Variants in STK10 observed in about 807,000 individuals in gnomAD.
The protein encoded by STK10 is serine/threonine-protein kinase 10.
A neutral mutation model predicts 113.8 loss-of-function variants in STK10; 78 were observed. That is an observed-to-expected ratio of 0.69 (90% CI 0.57 to 0.83). STK10 has a LOEUF of 0.83. STK10 is among the 40% of genes least tolerant of loss of function. The pLI is 0.00. For missense variants in STK10, 1,109 were observed against 1,280.1 expected (o/e 0.87, Z 2.04); for synonymous variants, 465 against 494.7 (o/e 0.94, Z 0.80).
At chr5:172,096,013 G>A (rs112189788) in intron 8 of STK10, among the ~76,000 whole-genome samples, 1 of 152,166 alleles carries the variant, frequency 6.6e-6, no homozygotes, top group Non-Finnish European at 1.5e-5. Context: ...TGGCACTGAG[G>A]GCAGCTAGAG....
chr5:172,152,681 G>A (rs1489377063), intron 2 of STK10, among the ~76,000 whole-genome samples: 1 of 152,166 alleles, frequency 6.6e-6, no homozygotes, highest in Non-Finnish European at 1.5e-5. Flanking sequence ...ACTGGGAAAC[G>A]TTTAAGAATG....
In STK10 at chr5:172,105,683, G is replaced by A; in HGVS notation, c.843C>T (p.Thr281=). The A allele has an allele frequency of 6.2e-7, 1 of 1,613,828 alleles. No individual in the cohort carries two copies. The highest frequency in any genetic ancestry group is 8.5e-7 in the Non-Finnish European group (1 of 1,180,014). ...CCAGCAGCTGCGCGGCACTGGGTCGGGTTTCTGGGTTCTTATCCAGGGCTA... is the reference window on the plus strand; with the variant it reads ...CCAGCAGCTGCGCGGCACTGGGTCGAGTTTCTGGGTTCTTATCCAGGGCTA... The part of the protein sequence containing the change: ...LKIALDKNPE[T]RPSAAQLLEH... Residue 281 remains threonine, a synonymous_variant, in exon 7 of 19, where the codon ACC becomes ACT. Coordinates refer to ENST00000176763, the MANE Select transcript of STK10 (RefSeq NM_005990.4).
At chr5:172,091,527 G>A (rs1283585277) in intron 9 of STK10, among the ~76,000 whole-genome samples, 1 of 138,852 alleles carries the variant, frequency 7.2e-6, no homozygotes, top group East Asian at 2.0e-4. Context: ...TGGTTTCAAA[G>A]CCTCTTTTTT....
intron 2 of STK10, among the ~76,000 whole-genome samples, chr5:172,148,670 G>T (rs944862282): frequency 2.6e-5 from 4 of 152,094 alleles, no homozygotes; most frequent in African/African-American, 9.7e-5. Flanking sequence ...CCGGACGATG[G>T]CCCCTCAAGT....
Position 172,133,611 on chromosome 5 carries a change from C to A in STK10, c.322-6190G>T, listed in dbSNP as rs1769799219. ...TCACTCTGGAGCTAATTAGGAAGCA[C>A]ACAACTCTGATGGTTGCAGGAAACC... is the stretch of plus-strand genomic sequence containing the variant. On this transcript the variant is annotated intron_variant, in intron 2 of 18. Coordinates refer to ENST00000176763, the MANE Select transcript of STK10 (RefSeq NM_005990.4). This position sits in a 1 kb window ranked among gnomAD's most constrained non-coding sequence, Gnocchi z 4.9. Among the ~76,000 whole-genome samples the A allele has an allele frequency of 2.6e-5, 4 of 152,104 alleles. No individual in the cohort carries two copies. The South Asian group carries it at 6.2e-4, about 24-fold the overall frequency.
Position 172,082,730 on chromosome 5 carries a change from A to G in STK10, c.1810-225T>C, listed in dbSNP as rs1387749786. 6.6e-6 allele frequency among the ~76,000 whole-genome samples: 1 copy of G among 152,158 alleles called. No individual in the cohort carries two copies. The highest frequency in any genetic ancestry group is 1.9e-4 in the East Asian group (1 of 5,192). ...ACCATGTGTTGTTGCACGGTGCTCA[A>G]TACAGGTTATTTCCCCTCTGGAGAT... On this transcript the variant is annotated intron_variant, in intron 11 of 18. Transcript: ENST00000176763. This position sits in a 1 kb window ranked among gnomAD's most constrained non-coding sequence, Gnocchi z 4.3.
chr5:172,094,700 T>A (rs1436886160), intron 8 of STK10, among the ~76,000 whole-genome samples: 5 of 152,330 alleles, frequency 3.3e-5, no homozygotes, highest in Non-Finnish European at 7.4e-5. Flanking sequence ...TCCAATTTTT[T>A]AAGACAAGTT....
At chr5:172,185,935 C>T (rs1408437552) in intron 1 of STK10, among the ~76,000 whole-genome samples, 2 of 152,190 alleles carry the variant, frequency 1.3e-5, no homozygotes, top group Non-Finnish European at 2.9e-5. Context: ...TCTCCCTACC[C>T]CATAACAGGA....
intron 10 of STK10, among the ~76,000 whole-genome samples, chr5:172,085,056 G>A (rs1362549512): frequency 1.3e-5 from 2 of 151,850 alleles, no homozygotes; most frequent in African/African-American, 2.4e-5. Context: ...ACCAGCCTGG[G>A]CCACATAGCG....
chr5:172,064,454 G>C (rs1157428036), intron 13 of STK10: 1 of 539,180 alleles, frequency 1.9e-6, no homozygotes, highest in Non-Finnish European at 3.3e-6. Context: ...AAACAAGGTA[G>C]GAGGTGCTAA....
chr5:172,143,359 T>A (rs988785556), intron 2 of STK10, among the ~76,000 whole-genome samples: 1 of 152,048 alleles, frequency 6.6e-6, no homozygotes. Flanking sequence ...AGCAAGACAC[T>A]GTCTCAAAAA....
chr5:172,142,799 T>TC (rs1218151357), intron 2 of STK10, among the ~76,000 whole-genome samples: 2 of 152,140 alleles, frequency 1.3e-5, no homozygotes, highest in Non-Finnish European at 2.9e-5. Context: ...AAGATTAAGG[T>TC]CACAGATAAG....
At chr5:172,131,428 T>C (rs1025443494) in intron 2 of STK10, among the ~76,000 whole-genome samples, 3 of 151,854 alleles carry the variant, frequency 2.0e-5, no homozygotes, top group Non-Finnish European at 4.4e-5. Flanking sequence ...ACAACACTCT[T>C]ATACAACGTC....
At chr5:172,086,348 G>T (rs1581148037) in intron 10 of STK10, among the ~76,000 whole-genome samples, 1 of 152,142 alleles carries the variant, frequency 6.6e-6, no homozygotes, top group African/African-American at 2.4e-5. Flanking sequence ...GGCAGGTTTT[G>T]AGAGTGTTAA....
intron 1 of STK10, among the ~76,000 whole-genome samples, chr5:172,184,710 G>A (rs556147321): frequency 2.0e-5 from 3 of 152,172 alleles, no homozygotes; most frequent in Admixed American, 6.5e-5. Flanking sequence ...CGAGTGCAGC[G>A]GCATGATCTC....
intron 2 of STK10, among the ~76,000 whole-genome samples, chr5:172,144,596 C>T (rs1194621150): frequency 6.6e-6 from 1 of 152,188 alleles, no homozygotes. Context: ...GCAGCCTACA[C>T]CCCCAGGCCT....
chr5:172,107,137 T>C (rs1211845685), intron 5 of STK10: 10 of 269,298 alleles, frequency 3.7e-5, no homozygotes, highest in Non-Finnish European at 6.2e-5. Flanking sequence ...GGCGTGGAGG[T>C]GGGTGGGCGA....
At chr5:172,124,988 A>C (rs1366569918) in intron 3 of STK10, among the ~76,000 whole-genome samples, 1 of 152,194 alleles carries the variant, frequency 6.6e-6, no homozygotes, top group African/African-American at 2.4e-5. Context: ...AATGGTATAG[A>C]GACTTTGAGA....
intron 4 of STK10, among the ~76,000 whole-genome samples, chr5:172,109,785 G>A (rs993942465): frequency 3.9e-5 from 6 of 152,148 alleles, no homozygotes; most frequent in African/African-American, 1.4e-4. Flanking sequence ...GAGAGAACCC[G>A]GGATGCTCCA....
Sources: gnomAD v4.1 joint callset for allele counts (sites outside exome capture counted in the v4.1 genomes callset) on GRCh38, gnomAD v4.1.1 for gene constraint, Gnocchi (gnomAD v3.1) non-coding constraint, MANE v1.5 for transcripts, NCBI Gene and HGNC (gene_info 2026-07-23, HGNC 2026-07-21) for gene names.